RBFOX1: variants seen among roughly 807,000 people sequenced by gnomAD.
RBFOX1 encodes RNA binding fox-1 homolog 1, also known as RNA binding protein fox-1 homolog 1.
In RBFOX1, 8 loss-of-function variants were observed where a neutral mutation model predicts 57.7. That is an observed-to-expected ratio of 0.14 (90% confidence interval 0.08 to 0.25). RBFOX1 has a LOEUF of 0.25. Among genes scored for constraint, RBFOX1 ranks in the 10% least tolerant of loss-of-function variants. The pLI is 1.00. For missense variants in RBFOX1, 611 were observed against 548.5 expected (o/e 1.11, Z -1.14); for synonymous variants, 326 against 222.4 (o/e 1.47, Z -4.15).
intron 3 of RBFOX1, among the ~76,000 whole-genome samples, chr16:7,002,486 G>A (rs941476807): frequency 6.6e-6 from 1 of 152,190 alleles, no homozygotes; most frequent in African/African-American, 2.4e-5. Context: ...AGCTGAGGCA[G>A]GCGGATCATG....
At chr16:7,468,861 G>A (rs574835860) in intron 4 of RBFOX1, among the ~76,000 whole-genome samples, 44 of 152,046 alleles carry the variant, frequency 2.9e-4, no homozygotes, top group Non-Finnish European at 6.0e-4. Flanking sequence ...GGGAGGTTGC[G>A]AGGATCACAG....
At chr16:5,825,741 TTATTCCTTAATATGAATAAGGAATAA>T (rs1567591809) in intron 3 of RBFOX1, among the ~76,000 whole-genome samples, 75 of 146,704 alleles carry the variant, frequency 5.1e-4, no homozygotes, top group African/African-American at 9.8e-4. Context: ...CCTTCCCTTA[TTATTCCTTAATATGAATAAGGAATAA>T]TATTCCTTAA....
intron 10 of RBFOX1, among the ~76,000 whole-genome samples, chr16:7,611,429 T>C (rs1171917170): frequency 6.6e-6 from 1 of 152,050 alleles, no homozygotes. Flanking sequence ...ATACAAAAGA[T>C]CTAGCTGGGC....
At chr16:7,653,385 G>A (rs1158391258) in intron 11 of RBFOX1, among the ~76,000 whole-genome samples, 2 of 152,082 alleles carry the variant, frequency 1.3e-5, no homozygotes, top group African/African-American at 4.8e-5. Context: ...TTCTATCTAT[G>A]GTCCCAGCTA....
At chr16:7,211,589 GAA>G (rs2091152280) in intron 4 of RBFOX1, among the ~76,000 whole-genome samples, 1 of 152,070 alleles carries the variant, frequency 6.6e-6, no homozygotes, top group South Asian at 2.1e-4. Flanking sequence ...AAAAGAGAGA[GAA>G]AGAGTTGTTG....
At chr16:6,141,437 G>T (rs1196919855) in intron 1 of RBFOX1, among the ~76,000 whole-genome samples, 1 of 151,996 alleles carries the variant, frequency 6.6e-6, no homozygotes, top group Non-Finnish European at 1.5e-5. Context: ...TTATCTGTTA[G>T]GGACCACACT....
chr16:7,472,489 A>C (rs1162707509), intron 4 of RBFOX1, among the ~76,000 whole-genome samples: 6 of 152,192 alleles, frequency 3.9e-5, no homozygotes, highest in African/African-American at 7.2e-5. Context: ...TGCAAAGAAA[A>C]GATTAAGTTA....
At chr16:6,268,910 C>G (rs1395099760) in intron 1 of RBFOX1, among the ~76,000 whole-genome samples, 2 of 152,154 alleles carry the variant, frequency 1.3e-5, no homozygotes, top group Non-Finnish European at 2.9e-5. Context: ...AGTCCAAAAT[C>G]CATGGATGTT....
At chr16:5,883,486 T>G (rs1228238411) in intron 4 of RBFOX1, among the ~76,000 whole-genome samples, 1 of 150,756 alleles carries the variant, frequency 6.6e-6, no homozygotes, top group Non-Finnish European at 1.5e-5. Context: ...AAGTAAACTG[T>G]CTCGGAGGAA....
chr16:5,532,800 G>C (rs1456040284), intron 2 of RBFOX1, among the ~76,000 whole-genome samples: 5 of 152,198 alleles, frequency 3.3e-5, no homozygotes, highest in Non-Finnish European at 7.3e-5. Flanking sequence ...GTGGTGGGTT[G>C]TGAGGCAGAG....
chr16:6,143,323 G>C (rs1328680796), intron 1 of RBFOX1, among the ~76,000 whole-genome samples: 2 of 152,144 alleles, frequency 1.3e-5, no homozygotes, highest in African/African-American at 4.8e-5. Context: ...ATTATAGATG[G>C]GTTTGTGTAC....
Position 6,867,294 on chromosome 16 carries a change from C to A in RBFOX1, c.-15-184763C>A, listed in dbSNP as rs192856416. On this transcript the variant is annotated intron_variant, in intron 3 of 15. Coordinates refer to ENST00000550418, the MANE Select transcript of RBFOX1 (RefSeq NM_018723.4). ...GAGCATGGATGGAGGAGAGATCCAT[C>A]CATATTCTGGATCATTATTGGCTCT... is the stretch of plus-strand genomic sequence containing the variant. 4.6e-5 allele frequency among the ~76,000 whole-genome samples: 7 copies of A among 152,032 alleles called. No homozygotes were observed. The East Asian group carries it at 1.4e-3, about 29-fold the overall frequency.
intron 1 of RBFOX1, among the ~76,000 whole-genome samples, chr16:5,466,002 T>A (rs915623967): frequency 7.2e-5 from 11 of 152,108 alleles, no homozygotes; most frequent in African/African-American, 2.7e-4. Flanking sequence ...TTTGGGGCAA[T>A]TTCCTTGGCT....
rs116067026 is a variant in RBFOX1 at position 5,522,182 on chromosome 16, G to A, written c.258+54928G>A. On this transcript the variant is annotated intron_variant, in intron 2 of 2. Transcript: ENST00000585867. Reference sequence around the variant, plus strand: ...TCCATTTTGAAGGGTTAAACCCATGGAGGAATTAAGATCTAGGTTCAAATC... The same window carrying A: ...TCCATTTTGAAGGGTTAAACCCATGAAGGAATTAAGATCTAGGTTCAAATC... Among the ~76,000 whole-genome samples, 517 of 152,326 alleles carry A rather than the reference G, an allele frequency of 3.4e-3. 4 individuals carry two copies. Among genetic ancestry groups the A allele is most frequent in the African/African-American group, 0.012 (498 of 41,572 alleles).
intron 1 of RBFOX1, among the ~76,000 whole-genome samples, chr16:6,266,069 T>G (rs1210544154): frequency 2.6e-5 from 4 of 152,164 alleles, no homozygotes; most frequent in African/African-American, 4.8e-5. Context: ...CTTCAGCTAA[T>G]GAAACGTGGG....
intron 3 of RBFOX1, among the ~76,000 whole-genome samples, chr16:5,775,439 A>C (rs2054115654): frequency 6.6e-6 from 1 of 152,242 alleles, no homozygotes; most frequent in African/African-American, 2.4e-5. Flanking sequence ...AGGACTGCTC[A>C]GAAGGCAGGG....
At chr16:5,788,921 G>A (rs1346824488) in intron 3 of RBFOX1, among the ~76,000 whole-genome samples, 1 of 152,158 alleles carries the variant, frequency 6.6e-6, no homozygotes, top group Non-Finnish European at 1.5e-5. Flanking sequence ...GCTTTCCTGT[G>A]TCTCAGGAAG....
chr16:6,099,514 C>T (rs2070796884), intron 1 of RBFOX1, among the ~76,000 whole-genome samples: 1 of 152,062 alleles, frequency 6.6e-6, no homozygotes, highest in African/African-American at 2.4e-5. Context: ...TTGCTGATTG[C>T]CAGGGTCTGA....
At chr16:5,732,052 T>C (rs990040680) in intron 3 of RBFOX1, among the ~76,000 whole-genome samples, 16 of 152,194 alleles carry the variant, frequency 1.1e-4, no homozygotes, top group Non-Finnish European at 2.4e-4. Context: ...AGGGTAACAT[T>C]TCCTCTTTGC....
Sources: allele counts gnomAD v4.1 joint callset (sites outside exome capture counted in the v4.1 genomes callset), GRCh38; gene constraint gnomAD v4.1.1; transcripts MANE v1.5; gene names NCBI Gene and HGNC (gene_info 2026-07-23, HGNC 2026-07-21).